Variants in AUTS2 observed in about 807,000 individuals in gnomAD.
AUTS2 encodes the protein autism susceptibility gene 2 protein.
A neutral mutation model predicts 112.4 loss-of-function variants in AUTS2; 17 were observed. The ratio of observed to expected loss-of-function variants is 0.15; its 90% CI spans 0.10 to 0.23. AUTS2 has a LOEUF of 0.23. Ranked by LOEUF, AUTS2 falls within the 10% of genes least tolerant of loss-of-function variation. AUTS2 has a pLI of 1.00. For synonymous variants in AUTS2, 751 were observed against 702.7 expected (o/e 1.07, Z -1.09); for missense variants, 1,510 against 1,701.6 (o/e 0.89, Z 1.98).
chr7:70,784,660 G>A (rs531782507), intron 15 of AUTS2: 7 of 448,962 alleles, frequency 1.6e-5, no homozygotes, highest in Admixed American at 3.9e-5. Flanking sequence ...GTGTGTCATC[G>A]GCTTAAAAAA....
At chr7:69,686,871 C>A (rs767708958) in intron 1 of AUTS2, among the ~76,000 whole-genome samples, 8 of 152,176 alleles carry the variant, frequency 5.3e-5, no homozygotes, top group Non-Finnish European at 1.2e-4. Context: ...CCTATACCAT[C>A]CAGCATCAAG....
chr7:69,665,498 G>A (rs1420813735), intron 1 of AUTS2, among the ~76,000 whole-genome samples: 1 of 152,174 alleles, frequency 6.6e-6, no homozygotes, highest in South Asian at 2.1e-4. Context: ...CTGAACCACA[G>A]AAGTATATTG....
intron 1 of AUTS2, among the ~76,000 whole-genome samples, chr7:69,791,317 T>C (rs1413580137): frequency 6.6e-6 from 1 of 152,242 alleles, no homozygotes; most frequent in Non-Finnish European, 1.5e-5. Context: ...ACATGGGTAA[T>C]GATTACAGCG....
Position 69,683,899 on chromosome 7 carries a change from A to G in AUTS2, c.309+83937A>G, listed in dbSNP as rs573425615. Among the ~76,000 whole-genome samples, 6 of 152,338 alleles carry G rather than the reference A, an allele frequency of 3.9e-5. No homozygotes were observed. In the East Asian group the frequency reaches 1.2e-3, roughly 29 times the overall value. On this transcript the variant is annotated intron_variant, in intron 1 of 18. Transcript: ENST00000342771. ...GCACTTCAGCCTGGGCAGTAGAGTTAATGAGACTCCGTGTCAAAAAACAAA... is the reference window on the plus strand; with the variant it reads ...GCACTTCAGCCTGGGCAGTAGAGTTGATGAGACTCCGTGTCAAAAAACAAA...
At position 70,333,364 on chromosome 7, in the gene AUTS2, G is replaced by T. The variant is rs556659424; in HGVS notation, c.661-102388G>T. Among the ~76,000 whole-genome samples the T allele has an allele frequency of 2.3e-3, 345 of 152,298 alleles. 5 individuals are homozygous for T. The highest frequency in any genetic ancestry group is 2.5e-3 in the East Asian group (13 of 5,186). On this transcript the variant is annotated intron_variant, in intron 4 of 18. Transcript: ENST00000342771. ...ATGCTTTTACACTGTTGGTGGGAGT[G>T]TAACTTAGTTCAACCATTGTGGAAG... is the stretch of plus-strand genomic sequence containing the variant.
At chr7:70,209,906 T>A (rs998950246) in intron 4 of AUTS2, among the ~76,000 whole-genome samples, 6 of 152,088 alleles carry the variant, frequency 3.9e-5, no homozygotes, top group African/African-American at 4.8e-5. Flanking sequence ...AAGAATATAT[T>A]TTTTTTCCTG....
intron 1 of AUTS2, among the ~76,000 whole-genome samples, chr7:69,734,763 G>A (rs898651496): frequency 1.3e-5 from 2 of 151,674 alleles, no homozygotes; most frequent in Admixed American, 1.3e-4. Context: ...TACCACTAAT[G>A]CCAGGATTCA....
At chr7:70,675,457 C>T (rs1376457827) in intron 5 of AUTS2, among the ~76,000 whole-genome samples, 1 of 152,226 alleles carries the variant, frequency 6.6e-6, no homozygotes, top group African/African-American at 2.4e-5. Context: ...GATCGTGCCA[C>T]TGCACTCCAG....
intron 4 of AUTS2, among the ~76,000 whole-genome samples, chr7:70,267,434 G>A (rs1456885598): frequency 1.3e-5 from 2 of 152,086 alleles, no homozygotes; most frequent in Non-Finnish European, 2.9e-5. Flanking sequence ...CTTCTACCCA[G>A]GACAAGGAGA....
intron 2 of AUTS2, among the ~76,000 whole-genome samples, chr7:69,953,431 A>G (rs1268374630): frequency 6.6e-6 from 1 of 152,134 alleles, no homozygotes; most frequent in African/African-American, 2.4e-5. Flanking sequence ...CAGCTGCTGT[A>G]TTAAGCCCAA....
intron 2 of AUTS2, among the ~76,000 whole-genome samples, chr7:70,112,475 T>C (rs1351874731): frequency 6.6e-6 from 1 of 152,070 alleles, no homozygotes; most frequent in Non-Finnish European, 1.5e-5. Context: ...ACTTCATTTT[T>C]TAACCTCTGC....
chr7:69,954,885 G>A (rs1476061198), intron 2 of AUTS2, among the ~76,000 whole-genome samples: 1 of 152,178 alleles, frequency 6.6e-6, no homozygotes, highest in East Asian at 1.9e-4. Flanking sequence ...GATTATTAGA[G>A]CTAATCTAGC....
chr7:69,971,828 A>C (rs1459905900), intron 2 of AUTS2, among the ~76,000 whole-genome samples: 1 of 152,134 alleles, frequency 6.6e-6, no homozygotes, highest in Non-Finnish European at 1.5e-5. Context: ...ACCATAGTTT[A>C]TTTAATCATT....
chr7:69,943,118 C>T (rs552811022), intron 2 of AUTS2, among the ~76,000 whole-genome samples: 21 of 152,198 alleles, frequency 1.4e-4, no homozygotes, highest in Non-Finnish European at 2.6e-4. Flanking sequence ...ACAGAGCATG[C>T]ATATGCCTCA....
chr7:70,007,259 C>T (rs904486106), intron 2 of AUTS2, among the ~76,000 whole-genome samples: 1 of 152,102 alleles, frequency 6.6e-6, no homozygotes, highest in Admixed American at 6.6e-5. Context: ...GCCTTTCTGT[C>T]CCCCCCTAAA....
chr7:69,731,892 A>T (rs1786810871), intron 1 of AUTS2, among the ~76,000 whole-genome samples: 1 of 152,218 alleles, frequency 6.6e-6, no homozygotes, highest in African/African-American at 2.4e-5. Context: ...GGCTTGCCAA[A>T]GCTGTCCTTT....
chr7:70,723,161 T>TGAA (rs935613819), intron 6 of AUTS2, among the ~76,000 whole-genome samples: 2 of 152,204 alleles, frequency 1.3e-5, no homozygotes, highest in Admixed American at 1.3e-4. Context: ...AATCAGGAGA[T>TGAA]TTTCCTTTTG....
At chr7:70,234,579 T>C (rs1812223929) in intron 4 of AUTS2, among the ~76,000 whole-genome samples, 1 of 152,230 alleles carries the variant, frequency 6.6e-6, no homozygotes, top group Non-Finnish European at 1.5e-5. Context: ...ATGAGGAGAC[T>C]GAGCCTCTTT....
intron 2 of AUTS2, among the ~76,000 whole-genome samples, chr7:69,971,886 A>G (rs894468259): frequency 5.3e-5 from 8 of 152,142 alleles, no homozygotes; most frequent in African/African-American, 1.9e-4. Context: ...TACTATGAAC[A>G]TTTGTTTATA....
Sources: allele counts gnomAD v4.1 joint callset (sites outside exome capture counted in the v4.1 genomes callset), GRCh38; gene constraint gnomAD v4.1.1; transcripts MANE v1.5; gene names NCBI Gene and HGNC (gene_info 2026-07-23, HGNC 2026-07-21).